The following LTBP4 variants were observed in gnomAD, a reference collection of about 807,000 sequenced individuals.
The protein encoded by LTBP4 is latent transforming growth factor beta binding protein 4.
A neutral mutation model predicts 180.2 loss-of-function variants in LTBP4; 93 were observed. The observed-to-expected ratio is 0.52, with a 90% CI of 0.44 to 0.61. The LOEUF is 0.61. Among genes scored for constraint, LTBP4 ranks in the 20% least tolerant of loss-of-function variants. The pLI, the probability that LTBP4 is intolerant of heterozygous loss-of-function variation, is 0.00. For synonymous variants in LTBP4, 947 were observed against 934.5 expected, an observed-to-expected ratio of 1.01 and a Z score of -0.24; for missense variants, 2,116 against 2,256.5, an observed-to-expected ratio of 0.94 and a Z score of 1.26.
Position 40,617,163 on chromosome 19 carries a change from G to C in LTBP4, c.3008G>C (p.Gly1003Ala), listed in dbSNP as rs768008483. ...GAHAVCQNLPGSFQCLCDQGY... is the reference protein window; with the variant it reads ...GAHAVCQNLPASFQCLCDQGY... ...CACGCCGTGTGCCAGAACCTGCCCG[G>C]CTCCTTCCAGTGCCTCTGTGACCAG... The change falls in exon 21 of 30, where the codon GGC becomes GCC. Residue 1003 changes from glycine to alanine, a missense_variant. Gly to Ala is a moderately conservative substitution (Grantham distance 60). Coordinates refer to ENST00000396819, the MANE Select transcript of LTBP4 (RefSeq NM_001042545.2). 1 of 1,613,872 alleles carries C rather than the reference G, an allele frequency of 6.2e-7. No homozygotes were observed. Among genetic ancestry groups the C allele is most frequent in the Non-Finnish European group, 8.5e-7 (1 of 1,179,848 alleles).
Position 40,616,911 on chromosome 19 carries a change from T to C in LTBP4, c.2835T>C (p.Tyr945=), listed in dbSNP as rs762043638. 3.1e-6 allele frequency: 5 copies of C among 1,613,834 alleles called. No individual in the cohort carries two copies. In the African/African-American group the frequency reaches 5.3e-5, roughly 17 times the overall value. ...TCDDVDECQE[Y]GPEICGAQRC... ...CAGATGTGGATGAGTGCCAAGAATATGGTCCCGAGATTTGTGGAGCCCAGC... is the reference window on the plus strand; with the variant it reads ...CAGATGTGGATGAGTGCCAAGAATACGGTCCCGAGATTTGTGGAGCCCAGC... Residue 945 remains tyrosine (Y), a synonymous_variant, in exon 20 of 30, where the codon TAT becomes TAC. Coordinates refer to ENST00000396819, the MANE Select transcript of LTBP4 (RefSeq NM_001042545.2).
chr19:40,602,230 G>A (rs1473622621), intron 1 of LTBP4, among the ~76,000 whole-genome samples: 2 of 150,786 alleles, frequency 1.3e-5, no homozygotes, highest in Admixed American at 6.6e-5. Context: ...TGAGTTGCAG[G>A]GGTCCCACGT....
chr19:40,606,615 ACC>A, intron 6 of LTBP4, 89 bp downstream of exon 6: 1 of 1,460,962 alleles, frequency 6.8e-7, no homozygotes, highest in Non-Finnish European at 9.2e-7. Flanking sequence ...ATTCCCTCGG[ACC>A]CCCCCAGACT....
intron 24 of LTBP4, among the ~76,000 whole-genome samples, 157 bp downstream of exon 24, chr19:40,623,178 T>C (rs932146533): frequency 4.6e-5 from 7 of 150,984 alleles, no homozygotes; most frequent in Non-Finnish European, 8.9e-5. Flanking sequence ...TTCTTTCTTT[T>C]TTTTTTTTTT....
At chr19:40,594,114 G>C (rs1216221770) in intron 1 of LTBP4, among the ~76,000 whole-genome samples, 1 of 151,496 alleles carries the variant, frequency 6.6e-6, no homozygotes, top group African/African-American at 2.4e-5. Flanking sequence ...GGGTGGGGGG[G>C]GAGAGAGAGA....
chr19:40,613,268 G>A lies in LTBP4; in HGVS notation c.2431+72G>A, dbSNP rs2081521077. On this transcript the variant is annotated intron_variant, in intron 16 of 29. Coordinates refer to ENST00000396819, the MANE Select transcript of LTBP4 (RefSeq NM_001042545.2). The surrounding 1 kb of genome is among the most constrained non-coding windows in gnomAD (Gnocchi z 5.0). ...GTTCCAGGGCAAAGCCGGCTGGAAA[G>A]GTGGAGGCGGGACCAAGGCGCTGTG... The A allele has an allele frequency of 3.7e-5, 57 of 1,542,394 alleles. No individual in the cohort carries two copies. The South Asian group carries it at 6.1e-4, about 17-fold the overall frequency.
chr19:40,625,255 TATATATATATATATATATATATATATATA>T (rs2081616728), intron 26 of LTBP4, among the ~76,000 whole-genome samples: 2 of 1,912 alleles, frequency 1.0e-3, no homozygotes, highest in Admixed American at 4.4e-3. Flanking sequence ...TTTGTATTTA[TATATATATATATATATATATATATATATA>T]TATATATATA....
rs541829781 is a variant in LTBP4 at position 40,613,974 on chromosome 19, C to A, written c.2616C>A (p.Asp872Glu). The change falls in exon 18 of 30, where the codon GAC (aspartate) becomes GAA (glutamate). Residue 872 changes from aspartate (D) to glutamate (E), a missense_variant. Asp to Glu is a conservative substitution (Grantham distance 45). Around this residue, in one of 5 missense-constraint regions of LTBP4, gnomAD observed 877 missense variants for 873.6 expected, o/e 1.00. Transcript: ENST00000396819. The surrounding 1 kb of genome is among the most constrained non-coding windows in gnomAD (Gnocchi z 5.0). ...AGAGCGGCATCTGTACCAACACCGACGGCTCCTTCGAGTGCATCTGTCCTC... is the reference window on the plus strand; with the variant it reads ...AGAGCGGCATCTGTACCAACACCGAAGGCTCCTTCGAGTGCATCTGTCCTC... Reference protein sequence around the residue: ...LCQSGICTNTDGSFECICPPG... With the variant: ...LCQSGICTNTEGSFECICPPG... 6.2e-7 allele frequency: 1 copy of A among 1,613,726 alleles called. No homozygotes were observed. The highest frequency in any genetic ancestry group is 1.1e-5 in the South Asian group (1 of 91,068).
Position 40,610,541 on chromosome 19 carries a change from A to AGTGCCACCGC in LTBP4, c.1700_1709dup (p.Pro572ArgfsTer6), listed in dbSNP as rs1683421182. The AGTGCCACCGC allele has an allele frequency of 6.3e-7, 1 of 1,594,508 alleles. No homozygotes were observed. Among genetic ancestry groups the AGTGCCACCGC allele is most frequent in the Non-Finnish European group, 8.5e-7 (1 of 1,176,104 alleles). On this transcript the variant is annotated frameshift_variant, in exon 12 of 30. Coordinates refer to ENST00000396819, the MANE Select transcript of LTBP4 (RefSeq NM_001042545.2). LOFTEE classifies it high-confidence loss of function. ...TGGTCTGTGCCTACAGATGTGGACG[A>AGTGCCACCGC]GTGCCACCGCGTGCCGCCGCCGTGT...
In LTBP4 at chr19:40,601,430, C is replaced by T; in HGVS notation, c.43C>T (p.Leu15=). ...GCTGCTCTGGGTGTCGCTATTGGTGCTGCTGGCGCAGCTAGGGCCGCAGCC... is the reference window on the plus strand; with the variant it reads ...GCTGCTCTGGGTGTCGCTATTGGTGTTGCTGGCGCAGCTAGGGCCGCAGCC... ...VRLLWVSLLV[L]LAQLGPQPGL... Residue 15 remains leucine (L), a synonymous_variant, in exon 1 of 30, where the codon CTG becomes TTG. Coordinates refer to ENST00000396819, the MANE Select transcript of LTBP4 (RefSeq NM_001042545.2). 2 of 1,451,286 alleles carry T rather than the reference C, an allele frequency of 1.4e-6. No homozygotes were observed. The highest frequency in any genetic ancestry group is 1.8e-6 in the Non-Finnish European group (2 of 1,103,730). 89.9% of individuals were successfully genotyped at this position (1,451,286 alleles called of 1,614,324 possible). A position where few individuals can be genotyped will look rare whatever the true frequency, so the allele number is the denominator to read the frequency against.
upstream of LTBP4, chr19:40,599,784 C>T: frequency 1.7e-6 from 1 of 582,522 alleles, no homozygotes. Flanking sequence ...TTTCTAGTTA[C>T]CTGTCTCTTT....
Position 40,611,478 on chromosome 19 carries a change from T to A in LTBP4, c.2053+84T>A. 6.6e-7 allele frequency: 1 copy of A among 1,517,960 alleles called. No individual in the cohort carries two copies. Among genetic ancestry groups the A allele is most frequent in the South Asian group, 1.3e-5 (1 of 78,544 alleles). 94.0% of individuals were successfully genotyped at this position (1,517,960 alleles called of 1,614,324 possible). The stretch of plus-strand genomic sequence containing the variant: ...ATTATTGAGGGGCAGAGAGGCAGAG[T>A]GATGGGGCTCAGGGATGGAGAACAG... On this transcript the variant is annotated intron_variant, in intron 13 of 29. Coordinates refer to ENST00000396819, the MANE Select transcript of LTBP4 (RefSeq NM_001042545.2). The surrounding 1 kb of genome is among the most constrained non-coding windows in gnomAD (Gnocchi z 4.4).
Position 40,605,367 on chromosome 19 carries a change from C to A in LTBP4, c.443-38C>A, listed in dbSNP as rs778833858. On this transcript the variant is annotated intron_variant, in intron 2 of 29. Transcript: ENST00000396819. This position sits in a 1 kb window ranked among gnomAD's most constrained non-coding sequence, Gnocchi z 5.5. ...TGTCTAGCCCCACCCCGTAAGAACC[C>A]GTGTAGACATCCGTTTGCCCGGCCG... 1 of 1,608,690 alleles carries A rather than the reference C, an allele frequency of 6.2e-7. No homozygotes were observed.
chr19:40,596,071 C>G (rs2081388670), intron 1 of LTBP4, among the ~76,000 whole-genome samples: 1 of 151,984 alleles, frequency 6.6e-6, no homozygotes, highest in East Asian at 1.9e-4. Context: ...CAGGCGCCCA[C>G]CACTGCACCC....
Position 40,629,159 on chromosome 19 carries a change from T to C in LTBP4, c.4520-237T>C, listed in dbSNP as rs2081658595. ...CCACCGCGCCCGGCCATTATTATTT[T>C]CTTAACAAAATCCTAGTGCGGTATG... On this transcript the variant is annotated intron_variant, in intron 29 of 29. Coordinates refer to ENST00000396819, the MANE Select transcript of LTBP4 (RefSeq NM_001042545.2). This position sits in a 1 kb window ranked among gnomAD's most constrained non-coding sequence, Gnocchi z 4.5. Among the ~76,000 whole-genome samples, 1 of 152,088 alleles carries C rather than the reference T, an allele frequency of 6.6e-6. No individual in the cohort carries two copies. Among genetic ancestry groups the C allele is most frequent in the Admixed American group, 6.6e-5 (1 of 15,264 alleles).
Position 40,627,095 on chromosome 19 carries a change from C to T in LTBP4, c.4106C>T (p.Pro1369Leu). The T allele has an allele frequency of 6.2e-7, 1 of 1,613,980 alleles. No homozygotes were observed. The highest frequency in any genetic ancestry group is 8.5e-7 in the Non-Finnish European group (1 of 1,179,860). Residue 1369 changes from proline (P) to leucine (L), a missense_variant, in exon 28 of 30, where the codon CCA becomes CTA. Around this residue, in one of 5 missense-constraint regions of LTBP4, gnomAD observed 488 missense variants for 458.8 expected, o/e 1.06. Transcript: ENST00000396819. ...PDLGPPYQGL[P>L]YGPELYPPPA... is the part of the protein sequence containing the mutation. ...TTAGGTCCACCTTACCAGGGCCTCC[C>T]ATATGGGCCTGAGTTGTACCCACCA...
chr19:40,611,614 C>A lies in LTBP4; in HGVS notation c.2053+220C>A, dbSNP rs1451815857. 2.0e-5 allele frequency among the ~76,000 whole-genome samples: 3 copies of A among 152,184 alleles called. No homozygotes were observed. The highest frequency in any genetic ancestry group is 4.4e-5 in the Non-Finnish European group (3 of 68,028). On this transcript the variant is annotated intron_variant, in intron 13 of 29. Transcript: ENST00000396819. The surrounding 1 kb of genome is among the most constrained non-coding windows in gnomAD (Gnocchi z 4.4). ...AAAGATACTCTTGTGCTTATGGGAA[C>A]CCTGAGGAGGGGGTCACCTGAGGCA...
At chr19:40,617,502 G>A (rs1474937784) in intron 21 of LTBP4, among the ~76,000 whole-genome samples, 1 of 152,056 alleles carries the variant, frequency 6.6e-6, no homozygotes, top group Non-Finnish European at 1.5e-5. Context: ...AAATTAGCCG[G>A]ATCTGGTGGC....
chr19:40,599,950 T>C (rs1436194496), upstream of LTBP4: 1 of 485,058 alleles, frequency 2.1e-6, no homozygotes. Flanking sequence ...AAATAGGTGT[T>C]GTGGGGGGAG....
Sources: allele counts gnomAD v4.1 joint callset (sites outside exome capture counted in the v4.1 genomes callset), GRCh38; gene constraint gnomAD v4.1.1; regional missense constraint gnomAD v4.1.1; non-coding constraint Gnocchi (gnomAD v3.1); transcripts MANE v1.5; gene names NCBI Gene and HGNC (gene_info 2026-07-23, HGNC 2026-07-21).